ANKRD33B: variants seen among roughly 807,000 people sequenced by gnomAD.
ANKRD33B encodes ankyrin repeat domain-containing protein 33B.
ANKRD33B carries 6 observed loss-of-function variants against 21.5 expected under a neutral mutation model. That is an observed-to-expected ratio of 0.28 (90% CI 0.15 to 0.55). ANKRD33B has a LOEUF of 0.55. Ranked by LOEUF, ANKRD33B falls within the 20% of genes least tolerant of loss-of-function variation. ANKRD33B has a pLI of 0.94. For missense variants in ANKRD33B, 698 were observed against 747.2 expected (o/e 0.93, Z 0.77); for synonymous variants, 347 against 342.4 (o/e 1.01, Z -0.15).
intron 1 of ANKRD33B, among the ~76,000 whole-genome samples, chr5:10,604,943 G>A (rs1246430169): frequency 6.6e-6 from 1 of 152,202 alleles, no homozygotes; most frequent in Non-Finnish European, 1.5e-5. Flanking sequence ...GCTCGGGAAT[G>A]TGGGAACCTG....
At chr5:10,615,473 A>G (rs879143177) in intron 1 of ANKRD33B, among the ~76,000 whole-genome samples, 2 of 152,192 alleles carry the variant, frequency 1.3e-5, no homozygotes, top group Admixed American at 1.3e-4. Context: ...AATAATGACA[A>G]TTCTACCCCA....
At chr5:10,575,776 C>T (rs1347606789) in intron 1 of ANKRD33B, among the ~76,000 whole-genome samples, 2 of 152,180 alleles carry the variant, frequency 1.3e-5, no homozygotes, top group East Asian at 3.8e-4. Context: ...TGTATGCTTC[C>T]ATTGACGTCA....
At chr5:10,644,904 A>G (rs1737158734) in intron 3 of ANKRD33B, among the ~76,000 whole-genome samples, 1 of 152,214 alleles carries the variant, frequency 6.6e-6, no homozygotes, top group Non-Finnish European at 1.5e-5. Flanking sequence ...GAGATTGGGA[A>G]GAATGGAAGC....
At position 10,656,473 on chromosome 5, in the gene ANKRD33B, T is replaced by G. The variant is rs1054366604; in HGVS notation, c.*6360T>G. The G allele has an allele frequency of 2.6e-5, 4 of 152,506 alleles. No homozygotes were observed. Among genetic ancestry groups the G allele is most frequent in the African/African-American group, 9.6e-5 (4 of 41,464 alleles). 9.4% of individuals were successfully genotyped at this position (152,506 alleles called of 1,614,324 possible). A position where few individuals can be genotyped will look rare whatever the true frequency, so the allele number is the denominator to read the frequency against. On this transcript the variant is annotated 3_prime_UTR_variant, in exon 4 of 4. Transcript: ENST00000296657. ...CAGATGAACTAAAGGGACACTGGGC[T>G]TTGTGCTGGCAAAGGTTACGATGCT...
rs1238498112 is a variant in ANKRD33B, at chr5:10,575,913, T to C, written c.366+11080T>C. Among the ~76,000 whole-genome samples the C allele has an allele frequency of 3.3e-5, 5 of 152,086 alleles. No homozygotes were observed. The East Asian group carries it at 9.6e-4, about 29-fold the overall frequency. On this transcript the variant is annotated intron_variant, in intron 1 of 3. Coordinates refer to ENST00000296657, the MANE Select transcript of ANKRD33B (RefSeq NM_001164440.2). ...GGGGGCCTTTCAGTGCTGGAACCTT[T>C]TTGTGCCTTGATGGTGGTGGTTACA...
chr5:10,602,348 G>A (rs1002052404), intron 1 of ANKRD33B, among the ~76,000 whole-genome samples: 4 of 152,272 alleles, frequency 2.6e-5, no homozygotes, highest in African/African-American at 4.8e-5. Flanking sequence ...CTGGTCCTGG[G>A]ACTGCACTAT....
chr5:10,600,760 A>C (rs772066872), intron 1 of ANKRD33B, among the ~76,000 whole-genome samples: 16 of 152,120 alleles, frequency 1.1e-4, no homozygotes, highest in Non-Finnish European at 1.5e-4. Flanking sequence ...TGGTTCTTCC[A>C]TTTTACACTC....
In ANKRD33B at chr5:10,656,325, C is replaced by T. The variant is rs1304796431; in HGVS notation, c.*6212C>T. The T allele has an allele frequency of 6.6e-6, 1 of 152,422 alleles. No individual in the cohort carries two copies. The highest frequency in any genetic ancestry group is 2.4e-5 in the African/African-American group (1 of 41,456). 9.4% of individuals were successfully genotyped at this position (152,422 alleles called of 1,614,324 possible). ...TGCATACACAATTTCCTCACGCTGACCCAGCCTGACTAAGACTTGATAAAA... is the reference window on the plus strand; with the variant it reads ...TGCATACACAATTTCCTCACGCTGATCCAGCCTGACTAAGACTTGATAAAA... On this transcript the variant is annotated 3_prime_UTR_variant, in exon 4 of 4. Coordinates refer to ENST00000296657, the MANE Select transcript of ANKRD33B (RefSeq NM_001164440.2).
chr5:10,649,713 TG>T lies in ANKRD33B; in HGVS notation c.1091del (p.Gly364AlafsTer212). On this transcript the variant is annotated frameshift_variant, in exon 4 of 4. Transcript: ENST00000296657. LOFTEE classifies it low-confidence loss of function (END_TRUNC). ...CCCCAGGCGCAGGAGGAGGATGAGG[TG>T]GGGGGCGCGGGGCAGCGCGGGCGGA... Reference protein sequence around the residue: ...RGPQAQEEDEVGGAGQRGRTG... With the variant: ...RGPQAQEEDEXGGAGQRGRTG... 1 of 1,510,096 alleles carries T rather than the reference TG, an allele frequency of 6.6e-7. No individual in the cohort carries two copies. Among genetic ancestry groups the T allele is most frequent in the South Asian group, 1.2e-5 (1 of 81,020 alleles). 93.5% of individuals were successfully genotyped at this position (1,510,096 alleles called of 1,614,324 possible).
intron 2 of ANKRD33B, chr5:10,625,226 T>C (rs973481889): frequency 1.3e-5 from 2 of 157,214 alleles, no homozygotes; most frequent in Non-Finnish European, 2.8e-5. Context: ...TTTATTTCTT[T>C]GATGATTTGT....
At chr5:10,572,108 C>T (rs1003712530) in intron 1 of ANKRD33B, among the ~76,000 whole-genome samples, 20 of 152,104 alleles carry the variant, frequency 1.3e-4, no homozygotes, top group Admixed American at 1.2e-3. Flanking sequence ...AGGCTGGTCT[C>T]GAACTCCTGA....
chr5:10,629,930 C>T (rs1463781544), intron 2 of ANKRD33B, among the ~76,000 whole-genome samples: 6 of 152,142 alleles, frequency 3.9e-5, no homozygotes, highest in Admixed American at 2.6e-4. Context: ...GTAAGAAGGT[C>T]ACTGGGGACT....
rs2126611710 is a variant in ANKRD33B at position 10,649,882 on chromosome 5, G to T, written c.1254G>T (p.Arg418=). Residue 418 remains arginine, a synonymous_variant, in exon 4 of 4, where the codon CGG becomes CGT. Transcript: ENST00000296657. The part of the protein sequence containing the change: ...PLQRLRRRSV[R]PGVVVPRVRV... ...AGCGCCTGCGGCGGAGAAGCGTGCGGCCCGGTGTGGTGGTGCCCCGGGTCC... is the reference window on the plus strand; with the variant it reads ...AGCGCCTGCGGCGGAGAAGCGTGCGTCCCGGTGTGGTGGTGCCCCGGGTCC... 1 of 1,501,458 alleles carries T rather than the reference G, an allele frequency of 6.7e-7. No individual in the cohort carries two copies. Among genetic ancestry groups the T allele is most frequent in the Non-Finnish European group, 8.8e-7 (1 of 1,131,278 alleles). The allele number at this position is 1,501,458 out of a possible 1,614,324, so 93.0% of individuals were successfully genotyped here.
Position 10,576,125 on chromosome 5 carries a change from A to G in ANKRD33B, c.366+11292A>G, listed in dbSNP as rs11743206. ...TTGGGGAGGACAGGTGAAGGGTACA[A>G]GTTCTTGTGGGGCTGTAACTATTTC... is the stretch of plus-strand genomic sequence containing the variant. On this transcript the variant is annotated intron_variant, in intron 1 of 3. Coordinates refer to ENST00000296657, the MANE Select transcript of ANKRD33B (RefSeq NM_001164440.2). The surrounding 1 kb of genome is among the most constrained non-coding windows in gnomAD (Gnocchi z 4.1). Among the ~76,000 whole-genome samples the G allele has an allele frequency of 0.11, 16,994 of 152,224 alleles. 1,224 individuals carry two copies. Among genetic ancestry groups the G allele is most frequent in the African/African-American group, 0.2 (8,133 of 41,494 alleles).
Position 10,570,903 on chromosome 5 carries a change from C to CTT in ANKRD33B, c.366+6087_366+6088dup, listed in dbSNP as rs11301499. ...TCTTTAACAACATGACTCAAATAAC[C>CTT]TTTTTTTTTTTTTTTTTTGTCAATT... is the stretch of plus-strand genomic sequence containing the variant. On this transcript the variant is annotated intron_variant, in intron 1 of 3. Transcript: ENST00000296657. Among the ~76,000 whole-genome samples, 293 of 126,820 alleles carry CTT rather than the reference C, an allele frequency of 2.3e-3. 1 individual carries two copies. The highest frequency in any genetic ancestry group is 8.4e-3 in the African/African-American group (279 of 33,158). 83.2% of individuals were successfully genotyped at this position (126,820 alleles called of 152,430 possible).
At chr5:10,636,424 C>A (rs1392080516) in intron 2 of ANKRD33B, among the ~76,000 whole-genome samples, 1 of 151,520 alleles carries the variant, frequency 6.6e-6, no homozygotes, top group African/African-American at 2.4e-5. Context: ...CCAGCCTCGG[C>A]AACGTTGGGA....
chr5:10,632,580 C>T (rs1282182664), intron 2 of ANKRD33B, among the ~76,000 whole-genome samples: 1 of 152,180 alleles, frequency 6.6e-6, no homozygotes, highest in Non-Finnish European at 1.5e-5. Context: ...CCTCTCCCTC[C>T]TCCTGCCCGG....
At chr5:10,597,980 C>G (rs867983337) in intron 1 of ANKRD33B, among the ~76,000 whole-genome samples, 1 of 152,138 alleles carries the variant, frequency 6.6e-6, no homozygotes, top group South Asian at 2.1e-4. Flanking sequence ...GATTTTCTTG[C>G]TATGTTCCTT....
chr5:10,621,584 T>C (rs1349170590), intron 2 of ANKRD33B, among the ~76,000 whole-genome samples: 1 of 152,218 alleles, frequency 6.6e-6, no homozygotes, highest in Non-Finnish European at 1.5e-5. Context: ...ATTTGACTCT[T>C]AGGTGGACAG....
Sources: gnomAD v4.1 joint callset for allele counts (sites outside exome capture counted in the v4.1 genomes callset) on GRCh38, gnomAD v4.1.1 for gene constraint, Gnocchi (gnomAD v3.1) non-coding constraint, MANE v1.5 for transcripts, NCBI Gene and HGNC (gene_info 2026-07-23, HGNC 2026-07-21) for gene names.